The following MTMR2 variants were observed in gnomAD, a reference collection of about 807,000 sequenced individuals.
The protein encoded by MTMR2 is myotubularin related protein 2, also known as phosphatidylinositol-3,5-bisphosphate 3-phosphatase MTMR2.
In MTMR2, 55 loss-of-function variants were observed where a neutral mutation model predicts 86.9. The ratio of observed to expected loss-of-function variants is 0.63; its 90% CI spans 0.51 to 0.79. The LOEUF (loss-of-function observed/expected upper bound fraction) is 0.79. MTMR2 is among the 30% of genes least tolerant of loss of function. MTMR2 has a pLI of 0.00. For missense variants in MTMR2, 659 were observed against 772.3 expected, an observed-to-expected ratio of 0.85 and a Z score of 1.74; for synonymous variants, 241 against 266.8, an observed-to-expected ratio of 0.90 and a Z score of 0.94.
rs1863078539 is a variant in MTMR2 at position 95,832,882 on chromosome 11, AC to A, written c.*2407del. The A allele has an allele frequency of 6.6e-6, 1 of 152,156 alleles. No individual in the cohort carries two copies. The highest frequency in any genetic ancestry group is 2.4e-5 in the African/African-American group (1 of 41,438). The allele number at this position is 152,156 out of a possible 1,614,324, so 9.4% of individuals were successfully genotyped here. A position where few individuals can be genotyped will look rare whatever the true frequency, so the allele number is the denominator to read the frequency against. On this transcript the variant is annotated 3_prime_UTR_variant, in exon 15 of 15. Transcript: ENST00000346299. ...AGAGGAATGTGTCATCCATCCACTT[AC>A]GTTGTAACAGAGCTTTATTGCAATT...
intron 3 of MTMR2, 96 bp downstream of exon 3, chr11:95,865,505 C>G (rs545877678): frequency 8.6e-7 from 1 of 1,156,202 alleles, no homozygotes; most frequent in Non-Finnish European, 1.3e-6. Flanking sequence ...CAGGAGGTGT[C>G]TCTGACAGCC....
chr11:95,847,446 GA>G (rs771542818), intron 10 of MTMR2, among the ~76,000 whole-genome samples: 1 of 152,114 alleles, frequency 6.6e-6, no homozygotes, highest in African/African-American at 2.4e-5. Context: ...TGGAAGAAAT[GA>G]AATATGAACT....
At chr11:95,912,084 TG>T (rs1165165550) in intron 1 of MTMR2, among the ~76,000 whole-genome samples, 2 of 47,530 alleles carry the variant, frequency 4.2e-5, no homozygotes, top group African/African-American at 1.2e-4. Context: ...TTAACACAGG[TG>T]GGTTTTTTTT....
chr11:95,902,870 A>G (rs558819721), intron 1 of MTMR2, among the ~76,000 whole-genome samples: 1 of 152,192 alleles, frequency 6.6e-6, no homozygotes, highest in Admixed American at 6.5e-5. Flanking sequence ...TAAAAACCCC[A>G]AGTATTCAAC....
At chr11:95,875,116 G>T (rs1865054191) in intron 2 of MTMR2, among the ~76,000 whole-genome samples, 1 of 152,146 alleles carries the variant, frequency 6.6e-6, no homozygotes, top group Non-Finnish European at 1.5e-5. Flanking sequence ...GGCATTCTCT[G>T]TATTTCCTGA....
intron 1 of MTMR2, among the ~76,000 whole-genome samples, chr11:95,920,907 T>C (rs1207800108): frequency 6.6e-6 from 1 of 152,208 alleles, no homozygotes; most frequent in Non-Finnish European, 1.5e-5. Context: ...CGGCCAAGTA[T>C]GTCATTTTCA....
intron 1 of MTMR2, among the ~76,000 whole-genome samples, chr11:95,905,187 G>A (rs557557865): frequency 6.6e-6 from 1 of 152,088 alleles, no homozygotes; most frequent in South Asian, 2.1e-4. Flanking sequence ...TAACACTGGA[G>A]TGCCCCTAAA....
At position 95,839,355 on chromosome 11, in the gene MTMR2, A is replaced by G. The variant is rs558679110; in HGVS notation, c.1480-1148T>C. 5.9e-5 allele frequency among the ~76,000 whole-genome samples: 9 copies of G among 152,020 alleles called. No homozygotes were observed. In the South Asian group the frequency reaches 1.7e-3, roughly 28 times the overall value. ...TTCCTTTAAAAAATAAATCCCACCT[A>G]TTTTTCACACTCTTAACAGCCCTAT... On this transcript the variant is annotated intron_variant, in intron 12 of 14. Coordinates refer to ENST00000346299, the MANE Select transcript of MTMR2 (RefSeq NM_016156.6).
intron 13 of MTMR2, among the ~76,000 whole-genome samples, chr11:95,836,695 T>C (rs1863302092): frequency 6.6e-6 from 1 of 152,008 alleles, no homozygotes; most frequent in Non-Finnish European, 1.5e-5. Context: ...CACAATGGAA[T>C]ATTATTCAGC....
chr11:95,837,656 C>T (rs989689100), intron 13 of MTMR2, among the ~76,000 whole-genome samples: 1 of 151,998 alleles, frequency 6.6e-6, no homozygotes, highest in Admixed American at 6.6e-5. Flanking sequence ...TACTTTACAA[C>T]TTAAAAAACT....
At chr11:95,871,179 T>C (rs1173530846) in intron 2 of MTMR2, among the ~76,000 whole-genome samples, 4 of 152,218 alleles carry the variant, frequency 2.6e-5, no homozygotes, top group Non-Finnish European at 5.9e-5. Context: ...CTATTGTGAA[T>C]AGTGCCACAA....
chr11:95,848,495 A>G (rs986777795), intron 9 of MTMR2, among the ~76,000 whole-genome samples: 2 of 152,216 alleles, frequency 1.3e-5, no homozygotes, highest in Non-Finnish European at 2.9e-5. Context: ...ATCTACATCT[A>G]CAAAATAGAA....
At chr11:95,867,993 G>A (rs527576126) in intron 2 of MTMR2, among the ~76,000 whole-genome samples, 3 of 152,072 alleles carry the variant, frequency 2.0e-5, no homozygotes, top group East Asian at 1.9e-4. Flanking sequence ...AAGGCCAGGC[G>A]CAGTGGCTCA....
rs146768562 is a variant in MTMR2, at chr11:95,923,734, G to A, written c.80+141C>T. 1.0e-5 allele frequency: 15 copies of A among 1,467,062 alleles called. No homozygotes were observed. The East Asian group carries it at 3.5e-4, about 34-fold the overall frequency. The allele number at this position is 1,467,062 out of a possible 1,614,324, so 90.9% of individuals were successfully genotyped here. A position where few individuals can be genotyped will look rare whatever the true frequency, so the allele number is the denominator to read the frequency against. ...CCACGCCCCAGGGAGGGAGGCAGAA[G>A]TGGTTCCCAAGTCCCGGGGAAGGAA... On this transcript the variant is annotated intron_variant, in intron 1 of 14. Transcript: ENST00000346299.
intron 1 of MTMR2, among the ~76,000 whole-genome samples, chr11:95,897,227 G>A (rs1316664899): frequency 1.3e-5 from 2 of 152,024 alleles, no homozygotes; most frequent in African/African-American, 4.8e-5. Flanking sequence ...GTTCTAAAGT[G>A]GTCCAGGGCT....
Position 95,903,430 on chromosome 11 carries a change from C to T in MTMR2, c.81-15169G>A, listed in dbSNP as rs12796471. On this transcript the variant is annotated intron_variant, in intron 1 of 14. Transcript: ENST00000346299. ...TGTCAACACGGAAAGCTGCTTAAAGCCAACTTTCTGACTATTCCAGACCAT... is the reference window on the plus strand; with the variant it reads ...TGTCAACACGGAAAGCTGCTTAAAGTCAACTTTCTGACTATTCCAGACCAT... 6.8e-3 allele frequency among the ~76,000 whole-genome samples: 1,030 copies of T among 152,212 alleles called. 9 individuals are homozygous for T. Among genetic ancestry groups the T allele is most frequent in the Non-Finnish European group, 0.012 (797 of 68,006 alleles).
rs778938428 is a variant in MTMR2 at position 95,888,324 on chromosome 11, T to C, written c.81-63A>G. On this transcript the variant is annotated intron_variant, in intron 1 of 14. Transcript: ENST00000346299. ...GGGCTTCAAAGACCAATTTCAGACA[T>C]TGTATTTAATATAACTCCAATATTT... 17 of 1,052,888 alleles carry C rather than the reference T, an allele frequency of 1.6e-5. 1 individual carries two copies. Among genetic ancestry groups the C allele is most frequent in the African/African-American group, 7.9e-5 (5 of 63,148 alleles). The allele number at this position is 1,052,888 out of a possible 1,614,324, so 65.2% of individuals were successfully genotyped here. A position where few individuals can be genotyped will look rare whatever the true frequency, so the allele number is the denominator to read the frequency against.
intron 10 of MTMR2, among the ~76,000 whole-genome samples, chr11:95,845,673 TATAAACTTTAGAGTGA>T (rs1402455509): frequency 3.3e-5 from 5 of 150,028 alleles, no homozygotes; most frequent in Non-Finnish European, 7.4e-5. Context: ...GCAAGCACAG[TATAAACTTTAGAGTGA>T]GCTACTTTTC....
At chr11:95,848,616 C>G (rs187028309) in intron 9 of MTMR2, among the ~76,000 whole-genome samples, 142 of 152,212 alleles carry the variant, frequency 9.3e-4, no homozygotes, top group African/African-American at 3.2e-3. Flanking sequence ...TCCTACCTAA[C>G]TCGTGTAAAA....
Sources: gnomAD v4.1 joint callset for allele counts (sites outside exome capture counted in the v4.1 genomes callset) on GRCh38, gnomAD v4.1.1 for gene constraint, MANE v1.5 for transcripts, NCBI Gene and HGNC (gene_info 2026-07-23, HGNC 2026-07-21) for gene names.